Variants in NFASC observed in about 807,000 individuals in gnomAD.
NFASC encodes the protein neurofascin homolog.
In NFASC, 43 loss-of-function variants were observed where a neutral mutation model predicts 147.5. That is an observed-to-expected ratio of 0.29 (90% CI 0.23 to 0.38). NFASC has a LOEUF of 0.38. Among genes scored for constraint, NFASC ranks in the 10% least tolerant of loss-of-function variants. The probability of loss-of-function intolerance (pLI) is 1.00; values close to 1 mark genes in which losing one functional copy is unlikely to be tolerated. For synonymous variants in NFASC, 622 were observed against 665.5 expected (o/e 0.93, Z 1.01); for missense variants, 1,320 against 1,689.0 (o/e 0.78, Z 3.83).
chr1:204,957,940 G>C, intron 8 of NFASC, 114 bp downstream of exon 8: 1 of 956,454 alleles, frequency 1.0e-6, no homozygotes, highest in Non-Finnish European at 1.6e-6. Context: ...GGCTGACCTA[G>C]AAATCCTTCC....
chr1:204,961,058 A>G (rs541437686), intron 8 of NFASC, among the ~76,000 whole-genome samples: 1 of 152,286 alleles, frequency 6.6e-6, no homozygotes, highest in South Asian at 2.1e-4. Flanking sequence ...CCTCAGGGCC[A>G]TCTGCTTGGC....
intron 1 of NFASC, among the ~76,000 whole-genome samples, chr1:204,863,746 C>T (rs927257902): frequency 2.0e-5 from 3 of 151,048 alleles, no homozygotes; most frequent in Non-Finnish European, 2.9e-5. Flanking sequence ...TACTCGGGAG[C>T]CTGAGCCAGA....
intron 2 of NFASC, among the ~76,000 whole-genome samples, chr1:204,924,007 C>T (rs1198917292): frequency 6.6e-6 from 1 of 152,222 alleles, no homozygotes; most frequent in Non-Finnish European, 1.5e-5. Context: ...AAAGGGAGGC[C>T]CTTCTAGGGC....
chr1:204,847,193 A>G (rs1312125498), intron 1 of NFASC, among the ~76,000 whole-genome samples: 2 of 152,130 alleles, frequency 1.3e-5, no homozygotes, highest in Non-Finnish European at 2.9e-5. Flanking sequence ...GGCTATTGTC[A>G]TAGCAGCAGC....
chr1:204,885,354 T>C (rs2081114235), intron 1 of NFASC, among the ~76,000 whole-genome samples: 1 of 151,662 alleles, frequency 6.6e-6, no homozygotes, highest in South Asian at 2.1e-4. Context: ...GCCCGGGGAA[T>C]AGAACCCTTC....
rs2095610703 is a variant in NFASC at position 204,986,163 on chromosome 1, C to A, written c.2471-1255C>A. ...AGGGTGGGGCAGGAGAAGGGTGGCACACACCTTGGGCCTGGAGAAACTCCA... is the reference window on the plus strand; with the variant it reads ...AGGGTGGGGCAGGAGAAGGGTGGCAAACACCTTGGGCCTGGAGAAACTCCA... On this transcript the variant is annotated intron_variant, in intron 21 of 29. Transcript: ENST00000339876. This position sits in a 1 kb window ranked among gnomAD's most constrained non-coding sequence, Gnocchi z 4.2. 1 of 1,415,088 alleles carries A rather than the reference C, an allele frequency of 7.1e-7. No individual in the cohort carries two copies. The highest frequency in any genetic ancestry group is 1.0e-6 in the Non-Finnish European group (1 of 1,000,220). 87.7% of individuals were successfully genotyped at this position (1,415,088 alleles called of 1,614,324 possible).
At chr1:204,835,479 T>TTAG (rs1378533242) in intron 1 of NFASC, among the ~76,000 whole-genome samples, 1 of 152,134 alleles carries the variant, frequency 6.6e-6, no homozygotes, top group East Asian at 1.9e-4. Context: ...TCCACCCACC[T>TTAG]TAGCCTCCCA....
intron 11 of NFASC, among the ~76,000 whole-genome samples, chr1:204,971,144 G>A (rs551989803): frequency 3.3e-5 from 5 of 152,178 alleles, no homozygotes; most frequent in African/African-American, 1.2e-4. Context: ...GTAACCCATT[G>A]TTGGTTACTC....
At chr1:204,924,314 G>A (rs1430777194) in intron 2 of NFASC, among the ~76,000 whole-genome samples, 1 of 152,220 alleles carries the variant, frequency 6.6e-6, no homozygotes, top group Non-Finnish European at 1.5e-5. Flanking sequence ...AGAAGGAACA[G>A]GTGCTGCTCC....
intron 1 of NFASC, among the ~76,000 whole-genome samples, chr1:204,849,586 C>T (rs2075490598): frequency 6.6e-6 from 1 of 152,232 alleles, no homozygotes; most frequent in South Asian, 2.1e-4. Context: ...TAGTCCAATT[C>T]CCTCATTTTG....
At chr1:204,950,717 G>A in intron 4 of NFASC, 143 bp downstream of exon 4, 1 of 769,320 alleles carries the variant, frequency 1.3e-6, no homozygotes, top group Non-Finnish European at 2.3e-6. Context: ...GTATCTTACT[G>A]CGGGGGAAGG....
chr1:204,915,004 G>A (rs898605559), intron 1 of NFASC, among the ~76,000 whole-genome samples: 15 of 152,200 alleles, frequency 9.9e-5, no homozygotes, highest in East Asian at 5.8e-4. Context: ...CACGCTGGGC[G>A]CGGTGGCTCT....
chr1:204,908,008 G>T (rs1398557941), intron 1 of NFASC, among the ~76,000 whole-genome samples: 1 of 152,076 alleles, frequency 6.6e-6, no homozygotes, highest in Non-Finnish European at 1.5e-5. Flanking sequence ...TTGAGACAGG[G>T]TCTTGTTCTG....
chr1:204,875,140 G>T (rs78378283), intron 1 of NFASC, among the ~76,000 whole-genome samples: 5,480 of 152,018 alleles, frequency 0.036, 310 homozygotes, highest in African/African-American at 0.12. Context: ...GAAGAAAGTG[G>T]GTTGGATAAG....
chr1:204,922,950 C>T (rs999183216), intron 2 of NFASC, among the ~76,000 whole-genome samples: 1 of 152,204 alleles, frequency 6.6e-6, no homozygotes, highest in African/African-American at 2.4e-5. Flanking sequence ...GCGCTCCATC[C>T]TCCCACAGTG....
rs558004865 is a variant in NFASC, at chr1:204,911,581, T to C, written c.-199-9051T>C. Among the ~76,000 whole-genome samples the C allele has an allele frequency of 6.6e-5, 10 of 152,278 alleles. No individual in the cohort carries two copies. In the South Asian group the frequency reaches 1.5e-3, roughly 22 times the overall value. On this transcript the variant is annotated intron_variant, in intron 1 of 29. Transcript: ENST00000339876. ...TTGGTTAATAGTTTTCTTTTTCTTTTGTTTCATCTTCTTTTTAAATGTTGC... is the reference window on the plus strand; with the variant it reads ...TTGGTTAATAGTTTTCTTTTTCTTTCGTTTCATCTTCTTTTTAAATGTTGC...
chr1:205,002,630 C>T lies in NFASC; in HGVS notation c.3171C>T (p.Ala1057=). Residue 1057 remains alanine, a synonymous_variant, in exon 27 of 30, where the codon GCC becomes GCT. Coordinates refer to ENST00000339876, the MANE Select transcript of NFASC (RefSeq NM_001005388.3). ...CGAAAAAAACTGTCCCAGTTAAGGCCCAGGCTCAGCCTATACAGCTGACAG... is the reference window on the plus strand; with the variant it reads ...CGAAAAAAACTGTCCCAGTTAAGGCTCAGGCTCAGCCTATACAGCTGACAG... ...NHTKKTVPVK[A]QAQPIQLTDL... 1 of 1,551,094 alleles carries T rather than the reference C, an allele frequency of 6.4e-7. No individual in the cohort carries two copies.
At chr1:204,855,794 T>C (rs1288607334) in intron 1 of NFASC, among the ~76,000 whole-genome samples, 2 of 152,144 alleles carry the variant, frequency 1.3e-5, no homozygotes, top group African/African-American at 4.8e-5. Context: ...TCCCTGCTTG[T>C]TGACATAGCT....
chr1:204,869,968 T>A (rs556024445), intron 1 of NFASC, among the ~76,000 whole-genome samples: 1 of 152,360 alleles, frequency 6.6e-6, no homozygotes, highest in East Asian at 1.9e-4. Flanking sequence ...ATTTATGCAA[T>A]GAAGGGTATA....
Sources: allele counts gnomAD v4.1 joint callset (sites outside exome capture counted in the v4.1 genomes callset), GRCh38; gene constraint gnomAD v4.1.1; non-coding constraint Gnocchi (gnomAD v3.1); transcripts MANE v1.5; gene names NCBI Gene and HGNC (gene_info 2026-07-23, HGNC 2026-07-21).